Variants in LMX1B observed in about 807,000 individuals in gnomAD.
LMX1B encodes LIM homeobox transcription factor 1 beta.
A neutral mutation model predicts 51.4 loss-of-function variants in LMX1B; 12 were observed. The observed-to-expected ratio is 0.23, with a 90% CI of 0.15 to 0.38. The LOEUF is 0.38. Among genes scored for constraint, LMX1B ranks in the 10% least tolerant of loss-of-function variants. The pLI is 1.00. For missense variants in LMX1B, 445 were observed against 571.1 expected (o/e 0.78, Z 2.25); for synonymous variants, 237 against 235.4 (o/e 1.01, Z -0.06).
chr9:126,669,709 T>C (rs1836415441), intron 2 of LMX1B, among the ~76,000 whole-genome samples: 1 of 152,134 alleles, frequency 6.6e-6, no homozygotes, highest in Non-Finnish European at 1.5e-5. Flanking sequence ...TAGGTGCCAT[T>C]CTGGTCACCT....
rs1835540119 is a variant in LMX1B at position 126,626,728 on chromosome 9, G to T, written c.326+11159G>T. ...GTCGAGCGAGCGAGGGAAGGAGCAA[G>T]GAGGCGGCGGCGGAGCAAACTCTGC... On this transcript the variant is annotated intron_variant, in intron 2 of 7. Transcript: ENST00000373474. This position sits in a 1 kb window ranked among gnomAD's most constrained non-coding sequence, Gnocchi z 4.3. Among the ~76,000 whole-genome samples, 1 of 152,220 alleles carries T rather than the reference G, an allele frequency of 6.6e-6. No individual in the cohort carries two copies. Among genetic ancestry groups the T allele is most frequent in the Admixed American group, 6.5e-5 (1 of 15,288 alleles).
intron 1 of LMX1B, among the ~76,000 whole-genome samples, 199 bp downstream of exon 1, chr9:126,614,787 G>A (rs114614195): frequency 3.7e-4 from 56 of 152,284 alleles, no homozygotes; most frequent in African/African-American, 1.1e-3. Context: ...GGACAGGACA[G>A]CTCCAGTCGC....
intron 2 of LMX1B, among the ~76,000 whole-genome samples, chr9:126,647,070 A>G (rs567141367): frequency 2.0e-4 from 30 of 152,296 alleles, no homozygotes; most frequent in Admixed American, 1.8e-3. Flanking sequence ...CAAAAGCAGT[A>G]TGGTGCACAC....
intron 2 of LMX1B, among the ~76,000 whole-genome samples, chr9:126,651,243 C>G (rs1388534570): frequency 6.6e-6 from 1 of 152,022 alleles, no homozygotes; most frequent in African/African-American, 2.4e-5. Flanking sequence ...ATAAATAAAT[C>G]ATGGGGTTTT....
Position 126,695,239 on chromosome 9 carries a change from G to A in LMX1B, c.887-600G>A, listed in dbSNP as rs528674263. On this transcript the variant is annotated intron_variant, in intron 6 of 7. Coordinates refer to ENST00000373474, the MANE Select transcript of LMX1B (RefSeq NM_001174147.2). The surrounding 1 kb of genome is among the most constrained non-coding windows in gnomAD (Gnocchi z 5.2). ...ACCAAACCCTCCAGCGGCTCCCAGC[G>A]GCCTCGGGGACCCCCACCCAGCTCG... Among the ~76,000 whole-genome samples, 17 of 152,204 alleles carry A rather than the reference G, an allele frequency of 1.1e-4. No individual in the cohort carries two copies. Among genetic ancestry groups the A allele is most frequent in the East Asian group, 3.9e-4 (2 of 5,172 alleles).
chr9:126,638,260 C>A (rs907215566), intron 2 of LMX1B, among the ~76,000 whole-genome samples: 1 of 152,200 alleles, frequency 6.6e-6, no homozygotes, highest in Admixed American at 6.5e-5. Context: ...CCCAGGTGCA[C>A]CTGCCCATCT....
intron 2 of LMX1B, among the ~76,000 whole-genome samples, chr9:126,660,097 GT>G (rs1448736532): frequency 3.3e-5 from 5 of 150,080 alleles, no homozygotes; most frequent in African/African-American, 7.4e-5. Flanking sequence ...GTTGTCCTGT[GT>G]GGGGGTGTCT....
intron 2 of LMX1B, among the ~76,000 whole-genome samples, chr9:126,669,658 G>C (rs1311461846): frequency 6.6e-6 from 1 of 152,156 alleles, no homozygotes; most frequent in Non-Finnish European, 1.5e-5. Flanking sequence ...CCAGGTGCCT[G>C]TGTGTACGTC....
At position 126,693,573 on chromosome 9, in the gene LMX1B, A is replaced by G. The variant is rs2030220482; in HGVS notation, c.791A>G (p.Gln264Arg). 2 of 1,614,044 alleles carry G rather than the reference A, an allele frequency of 1.2e-6. No homozygotes were observed. Among genetic ancestry groups the G allele is most frequent in the Admixed American group, 1.7e-5 (1 of 60,008 alleles). ...ACGGGCCTCAGTGTGCGCGTGGTCC[A>G]GGTCTGGTTTCAGAACCAAAGAGCA... ...AETGLSVRVV[Q>R]VWFQNQRAKM... Residue 264 changes from glutamine (Q) to arginine (R), a missense_variant, in exon 5 of 8, where the codon CAG (glutamine) becomes CGG (arginine). Gln to Arg is a conservative substitution (Grantham distance 43). Transcript: ENST00000373474.
chr9:126,665,720 G>T (rs1295315010), intron 2 of LMX1B, among the ~76,000 whole-genome samples: 1 of 152,196 alleles, frequency 6.6e-6, no homozygotes, highest in East Asian at 1.9e-4. Context: ...AGAATCGCTG[G>T]CCTTTGAACA....
intron 7 of LMX1B, 89 bp downstream of exon 7, chr9:126,696,092 C>G: frequency 7.7e-7 from 1 of 1,302,766 alleles, no homozygotes; most frequent in Non-Finnish European, 1.0e-6. Flanking sequence ...CAGCCACCTG[C>G]TGCCCTAGGG....
chr9:126,629,668 G>C (rs1397408698), intron 2 of LMX1B, among the ~76,000 whole-genome samples: 2 of 152,184 alleles, frequency 1.3e-5, no homozygotes, highest in African/African-American at 4.8e-5. Context: ...TGCTGCTTGT[G>C]GTAAAGCTTT....
chr9:126,682,515 G>T (rs1836694706), intron 2 of LMX1B, among the ~76,000 whole-genome samples: 1 of 152,212 alleles, frequency 6.6e-6, no homozygotes, highest in Admixed American at 6.5e-5. Context: ...GGAACTGGGG[G>T]TGGGGGCATT....
At chr9:126,628,140 T>A (rs1564148192) in intron 2 of LMX1B, among the ~76,000 whole-genome samples, 1 of 152,234 alleles carries the variant, frequency 6.6e-6, no homozygotes, top group Non-Finnish European at 1.5e-5. Flanking sequence ...CCATCTTTCT[T>A]GTCTCTGACT....
chr9:126,637,281 G>A (rs760284057), intron 2 of LMX1B, among the ~76,000 whole-genome samples: 56 of 152,170 alleles, frequency 3.7e-4, no homozygotes, highest in Non-Finnish European at 6.5e-4. Flanking sequence ...TACGGCAGGA[G>A]CAGCGCCTGT....
chr9:126,639,684 G>GT (rs1835774163), intron 2 of LMX1B, among the ~76,000 whole-genome samples: 1 of 152,220 alleles, frequency 6.6e-6, no homozygotes, highest in African/African-American at 2.4e-5. Context: ...TGTGCAAGCT[G>GT]TTAGTGACTG....
At chr9:126,624,648 C>T (rs962034588) in intron 2 of LMX1B, among the ~76,000 whole-genome samples, 6 of 139,482 alleles carry the variant, frequency 4.3e-5, no homozygotes, top group Non-Finnish European at 7.7e-5. Context: ...CGGCGAGTGG[C>T]AGGTTTTTTT....
Position 126,623,174 on chromosome 9 carries a change from G to A in LMX1B, c.326+7605G>A, listed in dbSNP as rs149570379. ...CACCCTTCTGTTCCTCACCCAGGTT[G>A]GGAGCCTGTGTTTTTATTTTTATTT... On this transcript the variant is annotated intron_variant, in intron 2 of 7. Coordinates refer to ENST00000373474, the MANE Select transcript of LMX1B (RefSeq NM_001174147.2). 5.5e-3 allele frequency among the ~76,000 whole-genome samples: 833 copies of A among 152,334 alleles called. 10 individuals carry two copies. Among genetic ancestry groups the A allele is most frequent in the African/African-American group, 0.019 (798 of 41,564 alleles).
At chr9:126,676,090 C>A (rs1247016544) in intron 2 of LMX1B, among the ~76,000 whole-genome samples, 1 of 152,066 alleles carries the variant, frequency 6.6e-6, no homozygotes, top group Non-Finnish European at 1.5e-5. Context: ...GTGTGTAAGA[C>A]CCTGCACACT....
Sources: gnomAD v4.1 joint callset for allele counts (sites outside exome capture counted in the v4.1 genomes callset) on GRCh38, gnomAD v4.1.1 for gene constraint, Gnocchi (gnomAD v3.1) non-coding constraint, MANE v1.5 for transcripts, NCBI Gene and HGNC (gene_info 2026-07-23, HGNC 2026-07-21) for gene names.